RSPO2: variants seen among roughly 807,000 people sequenced by gnomAD.
The protein encoded by RSPO2 is R-spondin-2.
Under a neutral mutation model 30.9 loss-of-function variants are expected in RSPO2, and 14 were observed. The ratio of observed to expected loss-of-function variants is 0.45; its 90% CI spans 0.30 to 0.71. The LOEUF is 0.71. Among genes scored for constraint, RSPO2 ranks in the 30% least tolerant of loss-of-function variants. The pLI, the probability that RSPO2 is intolerant of heterozygous loss-of-function variation, is 0.08. For synonymous variants in RSPO2, 107 were observed against 96.4 expected (o/e 1.11, Z -0.64); for missense variants, 264 against 301.9 (o/e 0.87, Z 0.93).
At chr8:108,031,477 A>G (rs1192130920) in intron 2 of RSPO2, among the ~76,000 whole-genome samples, 1 of 152,234 alleles carries the variant, frequency 6.6e-6, no homozygotes, top group East Asian at 1.9e-4. Flanking sequence ...CACAAAGTAG[A>G]CTGTCAATTC....
intron 3 of RSPO2, among the ~76,000 whole-genome samples, chr8:107,962,089 G>A (rs1813645945): frequency 1.3e-5 from 2 of 152,134 alleles, no homozygotes; most frequent in Non-Finnish European, 2.9e-5. Context: ...AGCACGTAAA[G>A]TGCTATGAAA....
intron 5 of RSPO2, among the ~76,000 whole-genome samples, chr8:107,925,554 C>T (rs923260257): frequency 1.3e-5 from 2 of 151,974 alleles, no homozygotes; most frequent in African/African-American, 4.8e-5. Context: ...TCCCTCCCCC[C>T]TCCTCCCACC....
At chr8:107,959,823 T>C (rs534819490) in intron 4 of RSPO2, among the ~76,000 whole-genome samples, 2 of 152,202 alleles carry the variant, frequency 1.3e-5, no homozygotes, top group Non-Finnish European at 2.9e-5. Flanking sequence ...TTAAATGTCT[T>C]CTTTGCAAGC....
chr8:108,072,469 G>A (rs1035373826), intron 2 of RSPO2, among the ~76,000 whole-genome samples: 9 of 149,552 alleles, frequency 6.0e-5, no homozygotes, highest in Non-Finnish European at 1.3e-4. Context: ...GGAACTACAG[G>A]CACCCGCCAC....
At chr8:107,992,174 T>TACACACACACACACACACACACACAC (rs35054419) in intron 2 of RSPO2, among the ~76,000 whole-genome samples, 2 of 141,964 alleles carry the variant, frequency 1.4e-5, no homozygotes, top group African/African-American at 2.7e-5. Context: ...GAAAATGTGA[T>TACACACACACACACACACACACACAC]ACACACACAC....
chr8:108,069,161 C>T (rs919482470), intron 2 of RSPO2, among the ~76,000 whole-genome samples: 8 of 151,800 alleles, frequency 5.3e-5, no homozygotes, highest in East Asian at 3.9e-4. Context: ...ACCTTGTGTC[C>T]GACATCCTAT....
chr8:108,029,514 C>T (rs1455150445), intron 2 of RSPO2, among the ~76,000 whole-genome samples: 1 of 152,122 alleles, frequency 6.6e-6, no homozygotes, highest in Non-Finnish European at 1.5e-5. Context: ...ATATTCCACA[C>T]CTAGAAGAGT....
intron 5 of RSPO2, among the ~76,000 whole-genome samples, chr8:107,954,605 T>TTTATTTATTTATTTATTTATTTA (rs559227021): frequency 1.8e-4 from 7 of 39,728 alleles, no homozygotes; most frequent in Admixed American, 3.6e-4. Flanking sequence ...TATTTATTTA[T>TTTATTTATTTATTTATTTATTTA]TTTATTTATT....
chr8:108,065,472 G>T (rs1422087889), intron 2 of RSPO2, among the ~76,000 whole-genome samples: 1 of 151,920 alleles, frequency 6.6e-6, no homozygotes, highest in African/African-American at 2.4e-5. Context: ...GCATTCGTGT[G>T]AATTAAATTT....
chr8:107,982,834 A>T (rs1051775803), intron 3 of RSPO2, among the ~76,000 whole-genome samples: 2 of 152,138 alleles, frequency 1.3e-5, no homozygotes, highest in Non-Finnish European at 2.9e-5. Flanking sequence ...CTGCTTTCCT[A>T]GTGACTTAGT....
chr8:107,962,623 A>G (rs1813664770), intron 3 of RSPO2, among the ~76,000 whole-genome samples: 1 of 152,202 alleles, frequency 6.6e-6, no homozygotes, highest in Admixed American at 6.5e-5. Context: ...ATAGCTGGTC[A>G]ATAACCTCTT....
intron 2 of RSPO2, among the ~76,000 whole-genome samples, chr8:108,020,078 A>C (rs1257429190): frequency 1.1e-5 from 1 of 90,268 alleles, no homozygotes; most frequent in Non-Finnish European, 3.1e-5. Flanking sequence ...TAAAAATTAC[A>C]AAAAAAAAAA....
chr8:107,913,416 A>G (rs1390365887), intron 5 of RSPO2, among the ~76,000 whole-genome samples: 2 of 152,198 alleles, frequency 1.3e-5, no homozygotes, highest in African/African-American at 4.8e-5. Flanking sequence ...CCAATGGTAT[A>G]TTTTGTTATT....
At chr8:108,043,715 T>C (rs1328026394) in intron 2 of RSPO2, among the ~76,000 whole-genome samples, 1 of 152,024 alleles carries the variant, frequency 6.6e-6, no homozygotes, top group Non-Finnish European at 1.5e-5. Flanking sequence ...TGGCTGAACT[T>C]TACAACTGTG....
intron 2 of RSPO2, chr8:108,082,000 C>A: frequency 3.6e-6 from 3 of 826,910 alleles, no homozygotes; most frequent in Middle Eastern, 6.0e-4. Context: ...TCCTCCCCCT[C>A]GACTTGGTAC....
intron 3 of RSPO2, among the ~76,000 whole-genome samples, chr8:107,980,868 C>A (rs1814405373): frequency 6.6e-6 from 1 of 152,206 alleles, no homozygotes; most frequent in African/African-American, 2.4e-5. Context: ...CATTGGCCCA[C>A]TGGGGTTCAG....
chr8:107,995,682 G>A (rs1451047709), intron 2 of RSPO2, among the ~76,000 whole-genome samples: 2 of 152,072 alleles, frequency 1.3e-5, no homozygotes, highest in East Asian at 3.9e-4. Context: ...CTAGGTTGCT[G>A]AAGGTTTTCT....
rs1388392459 is a variant in RSPO2, at chr8:107,949,247, C to T, written c.616+8833G>A. On this transcript the variant is annotated intron_variant, in intron 5 of 5. Transcript: ENST00000276659. ...CTTAGCTCCTACTTATAAGTGAGAACACACAATATCTGGTTTTTTGTTTCT... is the reference window on the plus strand; with the variant it reads ...CTTAGCTCCTACTTATAAGTGAGAATACACAATATCTGGTTTTTTGTTTCT... Among the ~76,000 whole-genome samples the T allele has an allele frequency of 3.3e-5, 5 of 152,222 alleles. No individual in the cohort carries two copies. In the South Asian group the frequency reaches 8.3e-4, roughly 25 times the overall value.
At chr8:107,901,865 C>T (rs1007412988) in intron 5 of RSPO2, among the ~76,000 whole-genome samples, 11 of 152,182 alleles carry the variant, frequency 7.2e-5, no homozygotes, top group South Asian at 2.1e-4. Context: ...AACTACCAGA[C>T]GATCATACCA....
Sources: gnomAD v4.1 joint callset for allele counts (sites outside exome capture counted in the v4.1 genomes callset) on GRCh38, gnomAD v4.1.1 for gene constraint, MANE v1.5 for transcripts, NCBI Gene and HGNC (gene_info 2026-07-23, HGNC 2026-07-21) for gene names.